The following VSTM4 variants were observed in gnomAD, a reference collection of about 807,000 sequenced individuals.
VSTM4 encodes the protein V-set and transmembrane domain-containing protein 4.
A neutral mutation model predicts 36.4 loss-of-function variants in VSTM4; 20 were observed. The observed-to-expected ratio is 0.55, with a 90% CI of 0.39 to 0.80. VSTM4 has a LOEUF of 0.80. VSTM4 is among the 30% of genes least tolerant of loss of function. VSTM4 has a pLI of 0.00. For synonymous variants in VSTM4, 182 were observed against 173.9 expected (o/e 1.05, Z -0.37); for missense variants, 392 against 404.5 (o/e 0.97, Z 0.26).
Position 49,046,972 on chromosome 10 carries a change from C to T in VSTM4, c.837+11G>A, listed in dbSNP as rs781198833. 4.3e-6 allele frequency: 7 copies of T among 1,613,228 alleles called. No individual in the cohort carries two copies. Among genetic ancestry groups the T allele is most frequent in the South Asian group, 1.1e-5 (1 of 91,042 alleles). ...TAAGGTATGATAGGAATACAGAAGA[C>T]GGTTACTTACCAGCGTGACTTTTCT... On this transcript the variant is annotated intron_variant, in intron 7 of 7. Transcript: ENST00000332853.
intron 7 of VSTM4, among the ~76,000 whole-genome samples, chr10:49,032,871 A>C (rs978407969): frequency 4.6e-5 from 7 of 150,814 alleles, no homozygotes; most frequent in Non-Finnish European, 8.9e-5. Context: ...AGAGAGAAAG[A>C]CAGAGAGAGA....
chr10:49,106,470 A>G (rs938506398), intron 2 of VSTM4, among the ~76,000 whole-genome samples: 8 of 152,216 alleles, frequency 5.3e-5, no homozygotes, highest in African/African-American at 1.9e-4. Context: ...ACCCCAAAAT[A>G]TGGCACTTGG....
intron 5 of VSTM4, among the ~76,000 whole-genome samples, chr10:49,061,057 T>C (rs1843868090): frequency 6.6e-6 from 1 of 152,222 alleles, no homozygotes; most frequent in African/African-American, 2.4e-5. Flanking sequence ...TCTCCATTAC[T>C]CTAGCATTAG....
intron 4 of VSTM4, among the ~76,000 whole-genome samples, chr10:49,066,141 G>A (rs1303608789): frequency 2.0e-5 from 3 of 152,066 alleles, no homozygotes; most frequent in Non-Finnish European, 4.4e-5. Flanking sequence ...TCTTTCCTAA[G>A]AATGCATTCT....
intron 4 of VSTM4, among the ~76,000 whole-genome samples, chr10:49,069,468 C>G (rs975484150): frequency 3.9e-5 from 6 of 152,234 alleles, no homozygotes; most frequent in African/African-American, 1.4e-4. Flanking sequence ...CTCTCCCCAT[C>G]TCCTGCAGCC....
chr10:49,059,200 G>A (rs977379370), intron 5 of VSTM4, among the ~76,000 whole-genome samples: 7 of 152,226 alleles, frequency 4.6e-5, no homozygotes, highest in Admixed American at 2.6e-4. Flanking sequence ...TATGGGTCAA[G>A]GCCTGGCCCT....
intron 3 of VSTM4, among the ~76,000 whole-genome samples, chr10:49,077,556 T>C (rs1369782476): frequency 6.6e-6 from 1 of 152,204 alleles, no homozygotes; most frequent in African/African-American, 2.4e-5. Flanking sequence ...CAAAAGTAAT[T>C]CAACGGCGGA....
At chr10:49,042,814 G>T (rs563063562) in intron 7 of VSTM4, among the ~76,000 whole-genome samples, 20 of 152,316 alleles carry the variant, frequency 1.3e-4, no homozygotes, top group African/African-American at 4.8e-4. Flanking sequence ...AGAAGAGATG[G>T]ATGATTAATA....
chr10:49,077,348 G>T (rs546461775), intron 3 of VSTM4, 22 bp from the exon 4 acceptor site: 3 of 1,611,962 alleles, frequency 1.9e-6, no homozygotes, highest in African/African-American at 1.3e-5. Context: ...GGACAGACAC[G>T]TGAGTCAGCC....
At chr10:49,109,622 T>A (rs1004371622) in intron 1 of VSTM4, among the ~76,000 whole-genome samples, 1 of 152,030 alleles carries the variant, frequency 6.6e-6, no homozygotes, top group Non-Finnish European at 1.5e-5. Context: ...CATTCACAGG[T>A]CCCCAGGGAT....
chr10:49,106,976 C>CCCCCATCT (rs1844794237), intron 2 of VSTM4, among the ~76,000 whole-genome samples: 1 of 152,236 alleles, frequency 6.6e-6, no homozygotes, highest in Non-Finnish European at 1.5e-5. Flanking sequence ...GAAGACAAAA[C>CCCCCATCT]CCCCATCTCC....
chr10:49,036,249 T>C (rs898519487), intron 7 of VSTM4, among the ~76,000 whole-genome samples: 1 of 152,138 alleles, frequency 6.6e-6, no homozygotes, highest in Non-Finnish European at 1.5e-5. Context: ...CCAGCTGACA[T>C]ACATAACTCC....
At chr10:49,108,032 GC>G (rs1844822846) in intron 1 of VSTM4, 37 bp from the exon 2 acceptor site, 3 of 1,517,560 alleles carry the variant, frequency 2.0e-6, no homozygotes, top group African/African-American at 1.4e-5. Flanking sequence ...GATGAGGAGG[GC>G]CCCAAGTCCC....
Position 49,019,497 on chromosome 10 carries a change from A to G in VSTM4, c.*153T>C, listed in dbSNP as rs538424447. ...ATTCTTTTGGGGAGAGCAGGCTTGT[A>G]CCTCTTCAAAGGCACCCAGAATGCT... On this transcript the variant is annotated 3_prime_UTR_variant, in exon 8 of 8. Coordinates refer to ENST00000332853, the MANE Select transcript of VSTM4 (RefSeq NM_001031746.5). 4 of 1,092,540 alleles carry G rather than the reference A, an allele frequency of 3.7e-6. No individual in the cohort carries two copies. In the Admixed American group the frequency reaches 8.5e-5, roughly 23 times the overall value. The allele number at this position is 1,092,540 out of a possible 1,614,324, so 67.7% of individuals were successfully genotyped here. A position where few individuals can be genotyped will look rare whatever the true frequency, so the allele number is the denominator to read the frequency against.
chr10:49,066,071 G>T (rs554124618), intron 4 of VSTM4, among the ~76,000 whole-genome samples: 1 of 152,090 alleles, frequency 6.6e-6, no homozygotes, highest in South Asian at 2.1e-4. Context: ...GATACCCCTG[G>T]GTACTCTTTG....
chr10:49,018,406 T>C lies in VSTM4; in HGVS notation c.*1244A>G, dbSNP rs1843132686. The C allele has an allele frequency of 6.6e-6, 1 of 152,194 alleles. No individual in the cohort carries two copies. Among genetic ancestry groups the C allele is most frequent in the Non-Finnish European group, 1.5e-5 (1 of 68,040 alleles). The allele number at this position is 152,194 out of a possible 1,614,324, so 9.4% of individuals were successfully genotyped here. A position where few individuals can be genotyped will look rare whatever the true frequency, so the allele number is the denominator to read the frequency against. On this transcript the variant is annotated 3_prime_UTR_variant, in exon 8 of 8. Transcript: ENST00000332853. ...TTAGGGGATAAGAAATTTAGCCAAG[T>C]TCACACAGCTATATAGAGGGCACAA...
At chr10:49,108,571 G>A (rs963952373) in intron 1 of VSTM4, among the ~76,000 whole-genome samples, 2 of 152,238 alleles carry the variant, frequency 1.3e-5, no homozygotes, top group Non-Finnish European at 2.9e-5. Context: ...GGGCAGATGA[G>A]TAGTAAGGTC....
chr10:49,069,361 G>A (rs995705178), intron 4 of VSTM4, among the ~76,000 whole-genome samples: 1 of 152,208 alleles, frequency 6.6e-6, no homozygotes, highest in Admixed American at 6.5e-5. Context: ...GTCTGCACTC[G>A]AGGCAAGGAC....
chr10:49,016,166 A>T lies in VSTM4; in HGVS notation c.*3484T>A, dbSNP rs1287998236. ...TGTTTTGCTTCCTGTTCTGGGAAGC[A>T]ACTTTGATGCATACTGTATTCATAT... On this transcript the variant is annotated 3_prime_UTR_variant, in exon 8 of 8. Transcript: ENST00000332853. 6.6e-6 allele frequency: 1 copy of T among 152,178 alleles called. No homozygotes were observed. Among genetic ancestry groups the T allele is most frequent in the Non-Finnish European group, 1.5e-5 (1 of 68,078 alleles). The allele number at this position is 152,178 out of a possible 1,614,324, so 9.4% of individuals were successfully genotyped here.
Sources: allele counts gnomAD v4.1 joint callset (sites outside exome capture counted in the v4.1 genomes callset), GRCh38; gene constraint gnomAD v4.1.1; transcripts MANE v1.5; gene names NCBI Gene and HGNC (gene_info 2026-07-23, HGNC 2026-07-21).